Variants in SLCO2A1 observed in about 807,000 individuals in gnomAD.
SLCO2A1 encodes solute carrier organic anion transporter family member 2A1.
A neutral mutation model predicts 71.7 loss-of-function variants in SLCO2A1; 60 were observed. The ratio of observed to expected loss-of-function variants is 0.84; its 90% CI spans 0.68 to 1.04. The LOEUF is 1.04. SLCO2A1 is among the 50% of genes least tolerant of loss of function. SLCO2A1 has a pLI of 0.00. For synonymous variants in SLCO2A1, 308 were observed against 326.7 expected (o/e 0.94, Z 0.62); for missense variants, 745 against 813.4 (o/e 0.92, Z 1.02).
intron 1 of SLCO2A1, among the ~76,000 whole-genome samples, chr3:133,987,863 C>G (rs1934752715): frequency 6.6e-6 from 1 of 152,198 alleles, no homozygotes; most frequent in African/African-American, 2.4e-5. Flanking sequence ...TTTGAAATAA[C>G]TGATTCTATC....
At chr3:133,941,188 T>C (rs1933410708) in intron 11 of SLCO2A1, among the ~76,000 whole-genome samples, 1 of 152,184 alleles carries the variant, frequency 6.6e-6, no homozygotes, top group African/African-American at 2.4e-5. Flanking sequence ...AAATCCCAGA[T>C]CCCAACAAGT....
intron 3 of SLCO2A1, among the ~76,000 whole-genome samples, chr3:133,970,422 G>T (rs538398197): frequency 6.6e-6 from 1 of 152,338 alleles, no homozygotes; most frequent in African/African-American, 2.4e-5. Flanking sequence ...TACATTTAAT[G>T]AAATGCATTT....
intron 1 of SLCO2A1, among the ~76,000 whole-genome samples, chr3:134,021,737 AAG>A (rs758411392): frequency 1.3e-5 from 2 of 152,240 alleles, no homozygotes; most frequent in East Asian, 3.9e-4. Context: ...GAGAGAAAGA[AAG>A]AGAGAGATAT....
rs113227676 is a variant in SLCO2A1, at chr3:133,943,241, C to T, written c.1462-473G>A. On this transcript the variant is annotated intron_variant, in intron 10 of 13. Coordinates refer to ENST00000310926, the MANE Select transcript of SLCO2A1 (RefSeq NM_005630.3). ...ATTCTGTCAGGCCTTTGCTGGAGTT[C>T]CCTGCCTGAAAGGAACTCCTGCCTA... is the stretch of plus-strand genomic sequence containing the variant. Among the ~76,000 whole-genome samples, 4 of 152,288 alleles carry T rather than the reference C, an allele frequency of 2.6e-5. 1 individual carries two copies. Among genetic ancestry groups the T allele is most frequent in the African/African-American group, 9.6e-5 (4 of 41,554 alleles).
chr3:133,984,680 C>G (rs974813413), intron 1 of SLCO2A1, among the ~76,000 whole-genome samples: 2 of 152,150 alleles, frequency 1.3e-5, no homozygotes, highest in African/African-American at 4.8e-5. Context: ...CAAGCCCATC[C>G]CTTGAGGAGG....
At chr3:133,935,957 G>C in intron 12 of SLCO2A1, 60 bp from the exon 13 acceptor site, 1 of 1,452,388 alleles carries the variant, frequency 6.9e-7, no homozygotes, top group Non-Finnish European at 9.2e-7. Context: ...TGTCCAGCAG[G>C]GGTGTGGGAG....
intron 1 of SLCO2A1, among the ~76,000 whole-genome samples, chr3:134,013,091 C>T (rs748309748): frequency 1.3e-4 from 20 of 152,254 alleles, no homozygotes; most frequent in Non-Finnish European, 2.9e-4. Flanking sequence ...CAAGTATAAA[C>T]AGCAACACCT....
chr3:133,955,993 G>A (rs1933889807), intron 3 of SLCO2A1, among the ~76,000 whole-genome samples: 2 of 152,140 alleles, frequency 1.3e-5, no homozygotes, highest in African/African-American at 4.8e-5. Context: ...TTGCCAGGCT[G>A]GGCTGCCGCT....
intron 5 of SLCO2A1, among the ~76,000 whole-genome samples, chr3:133,952,367 G>A (rs148913126): frequency 2.5e-3 from 385 of 152,332 alleles, no homozygotes; most frequent in African/African-American, 8.7e-3. Context: ...CCAGATATCT[G>A]TGACGTGACT....
At chr3:133,950,288 G>A (rs1053689650) in intron 6 of SLCO2A1, among the ~76,000 whole-genome samples, 60 of 151,868 alleles carry the variant, frequency 4.0e-4, no homozygotes, top group African/African-American at 1.4e-3. Flanking sequence ...CTCTCCCCCC[G>A]GCTGGGCCTA....
chr3:134,011,669 C>A lies in SLCO2A1; in HGVS notation c.96+18038G>T, dbSNP rs80300992. ...GGCTGGGACCCATAAGACCCGTTCC[C>A]ACTAGCACTGGGTGAGATGCCCTGT... On this transcript the variant is annotated intron_variant, in intron 1 of 13. Transcript: ENST00000310926. 8.9e-3 allele frequency among the ~76,000 whole-genome samples: 1,351 copies of A among 152,310 alleles called. 12 individuals carry two copies. Among genetic ancestry groups the A allele is most frequent in the South Asian group, 0.032 (155 of 4,828 alleles).
chr3:134,004,712 C>T (rs975227551), intron 1 of SLCO2A1, among the ~76,000 whole-genome samples: 12 of 152,098 alleles, frequency 7.9e-5, no homozygotes, highest in Admixed American at 5.2e-4. Context: ...TGGTGACATG[C>T]TAGTTTTGAG....
chr3:133,970,087 C>T (rs1476478730), intron 3 of SLCO2A1, among the ~76,000 whole-genome samples: 1 of 152,208 alleles, frequency 6.6e-6, no homozygotes, highest in Non-Finnish European at 1.5e-5. Flanking sequence ...TCACATTCTT[C>T]ACAGGAAGTA....
chr3:133,955,347 G>A lies in SLCO2A1; in HGVS notation c.398-154C>T, dbSNP rs919928298. 19 of 614,560 alleles carry A rather than the reference G, an allele frequency of 3.1e-5. 1 individual carries two copies. The highest frequency in any genetic ancestry group is 1.8e-4 in the South Asian group (9 of 49,654). The allele number at this position is 614,560 out of a possible 1,614,324, so 38.1% of individuals were successfully genotyped here. A position where few individuals can be genotyped will look rare whatever the true frequency, so the allele number is the denominator to read the frequency against. ...ATGGGACATGGTTCCTGAGGACCGC[G>A]TCCTTCTGTCTGGCCAGCAGGAGGG... On this transcript the variant is annotated intron_variant, in intron 3 of 13. Coordinates refer to ENST00000310926, the MANE Select transcript of SLCO2A1 (RefSeq NM_005630.3).
At chr3:133,969,346 C>T (rs1261274342) in intron 3 of SLCO2A1, among the ~76,000 whole-genome samples, 1 of 152,102 alleles carries the variant, frequency 6.6e-6, no homozygotes, top group Non-Finnish European at 1.5e-5. Context: ...AGGGGAATTG[C>T]TTGAGCCTGG....
At chr3:133,974,348 C>T (rs998650227) in intron 2 of SLCO2A1, among the ~76,000 whole-genome samples, 5 of 152,210 alleles carry the variant, frequency 3.3e-5, no homozygotes. Context: ...AAACAATTCT[C>T]ATTTTATCTG....
chr3:133,995,821 C>G (rs148397324), intron 1 of SLCO2A1, among the ~76,000 whole-genome samples: 1 of 152,252 alleles, frequency 6.6e-6, no homozygotes, highest in East Asian at 1.9e-4. Flanking sequence ...CACTCATACG[C>G]CATAAGTGAG....
chr3:134,008,724 C>T (rs1168097904), intron 1 of SLCO2A1, among the ~76,000 whole-genome samples: 1 of 152,228 alleles, frequency 6.6e-6, no homozygotes, highest in Non-Finnish European at 1.5e-5. Context: ...TGAATTCCTA[C>T]ACTCTGAGCC....
chr3:133,959,247 T>A (rs1933972336), intron 3 of SLCO2A1, among the ~76,000 whole-genome samples: 1 of 152,152 alleles, frequency 6.6e-6, no homozygotes, highest in Admixed American at 6.5e-5. Flanking sequence ...GTGGGAGATG[T>A]GGGCATGACT....
Sources: allele counts gnomAD v4.1 joint callset (sites outside exome capture counted in the v4.1 genomes callset), GRCh38; gene constraint gnomAD v4.1.1; transcripts MANE v1.5; gene names NCBI Gene and HGNC (gene_info 2026-07-23, HGNC 2026-07-21).